SPAG9: variants seen among roughly 807,000 people sequenced by gnomAD.
The protein encoded by SPAG9 is C-Jun-amino-terminal kinase-interacting protein 4.
A neutral mutation model predicts 166.5 loss-of-function variants in SPAG9; 35 were observed. The observed-to-expected ratio is 0.21, with a 90% CI of 0.16 to 0.28. The LOEUF (loss-of-function observed/expected upper bound fraction) is 0.28, where lower values mean the gene tolerates loss of function less well. Ranked by LOEUF, SPAG9 falls within the 10% of genes least tolerant of loss-of-function variation. The pLI, the probability that SPAG9 is intolerant of heterozygous loss-of-function variation, is 1.00. For missense variants in SPAG9, 1,235 were observed against 1,603.3 expected (o/e 0.77, Z 3.92); for synonymous variants, 534 against 565.5 (o/e 0.94, Z 0.79).
At chr17:51,053,207 T>C (rs954933008) in intron 3 of SPAG9, among the ~76,000 whole-genome samples, 2 of 150,418 alleles carry the variant, frequency 1.3e-5, no homozygotes, top group Admixed American at 1.3e-4. Context: ...ATTTATAATA[T>C]ATTTATAAAA....
At chr17:50,977,749 T>G (rs1394637712) in intron 26 of SPAG9, among the ~76,000 whole-genome samples, 1 of 152,116 alleles carries the variant, frequency 6.6e-6, no homozygotes, top group Non-Finnish European at 1.5e-5. Context: ...CCAGGCATGG[T>G]GGCACATGCC....
intron 1 of SPAG9, among the ~76,000 whole-genome samples, chr17:51,118,747 T>C (rs901068200): frequency 1.3e-5 from 2 of 152,158 alleles, no homozygotes; most frequent in Non-Finnish European, 2.9e-5. Context: ...GCTCTTGAAA[T>C]AGTCCATTCT....
rs1383851552 is a variant in SPAG9 at position 50,987,105 on chromosome 17, C to A, written c.2939+7G>T. On this transcript the variant is annotated splice_region_variant and intron_variant, in intron 22 of 29. Coordinates refer to ENST00000262013, the MANE Select transcript of SPAG9 (RefSeq NM_001130528.3). ...CATATTCTAATGTTAAAAGCATTGA[C>A]ACCTACCAGCCATTTTGAGCTCCAA... The A allele has an allele frequency of 6.2e-7, 1 of 1,602,632 alleles. No homozygotes were observed. Among genetic ancestry groups the A allele is most frequent in the Admixed American group, 1.8e-5 (1 of 56,822 alleles).
At chr17:51,019,925 TAA>T (rs1477238235) in intron 8 of SPAG9, among the ~76,000 whole-genome samples, 1 of 152,228 alleles carries the variant, frequency 6.6e-6, no homozygotes. Flanking sequence ...CAAAATAGAC[TAA>T]GACACCATCC....
chr17:51,013,915 C>CACACAT (rs2045593122), intron 9 of SPAG9, among the ~76,000 whole-genome samples: 1 of 143,658 alleles, frequency 7.0e-6, no homozygotes, highest in African/African-American at 3.0e-5. Flanking sequence ...CACACACACA[C>CACACAT]ACATACACAC....
chr17:51,054,620 T>A (rs941840131), intron 3 of SPAG9, among the ~76,000 whole-genome samples: 1 of 151,566 alleles, frequency 6.6e-6, no homozygotes, highest in African/African-American at 2.4e-5. Context: ...GTATTTTTAG[T>A]AGAGACGGGG....
At chr17:51,003,104 T>C (rs2045034712) in intron 12 of SPAG9, among the ~76,000 whole-genome samples, 3 of 151,024 alleles carry the variant, frequency 2.0e-5, no homozygotes, top group Admixed American at 6.6e-5. Context: ...CCAGGTGGGG[T>C]GGCATGCACC....
At chr17:50,979,969 A>T in intron 25 of SPAG9, 52 bp from the exon 26 acceptor site, 3 of 1,561,816 alleles carry the variant, frequency 1.9e-6, no homozygotes, top group Non-Finnish European at 2.6e-6. Context: ...AGAATTTCAT[A>T]TTTAAAACTG....
chr17:51,073,194 G>A (rs1275054014), intron 2 of SPAG9, among the ~76,000 whole-genome samples: 2 of 152,130 alleles, frequency 1.3e-5, no homozygotes, highest in Non-Finnish European at 2.9e-5. Context: ...CGGGCGTGGT[G>A]GTGGGCGCCT....
chr17:51,001,452 T>C (rs1224765183), intron 13 of SPAG9, among the ~76,000 whole-genome samples: 2 of 152,210 alleles, frequency 1.3e-5, no homozygotes, highest in Non-Finnish European at 2.9e-5. Context: ...ATTTCTATAT[T>C]TGAAAAATGA....
At chr17:51,041,347 G>C (rs1209457449) in intron 5 of SPAG9, among the ~76,000 whole-genome samples, 154 bp downstream of exon 5, 1 of 151,976 alleles carries the variant, frequency 6.6e-6, no homozygotes, top group African/African-American at 2.4e-5. Flanking sequence ...ACACTCTTTG[G>C]TAAGAGCTCA....
intron 12 of SPAG9, among the ~76,000 whole-genome samples, chr17:51,003,454 T>A (rs1053370337): frequency 6.6e-6 from 1 of 152,110 alleles, no homozygotes; most frequent in African/African-American, 2.4e-5. Flanking sequence ...CCAAACCACA[T>A]ACTCACCCAA....
intron 5 of SPAG9, among the ~76,000 whole-genome samples, chr17:51,037,594 C>T (rs2046638927): frequency 7.3e-6 from 1 of 137,146 alleles, no homozygotes; most frequent in African/African-American, 2.8e-5. Flanking sequence ...GCCTGGGGGA[C>T]AAAGCTAGAC....
In SPAG9 at chr17:51,120,344, C is replaced by T. The variant is rs776620296; in HGVS notation, c.303+10G>A. On this transcript the variant is annotated intron_variant, in intron 1 of 29. Transcript: ENST00000262013. The surrounding 1 kb of genome is among the most constrained non-coding windows in gnomAD (Gnocchi z 4.7). ...GGATCCCGCGGCCCCCGCCCTGCCG[C>T]CGGCCTCACCTCCTCAGCGTGCTTG... 4 of 1,555,362 alleles carry T rather than the reference C, an allele frequency of 2.6e-6. No homozygotes were observed. The South Asian group carries it at 4.6e-5, about 18-fold the overall frequency.
chr17:50,975,783 G>A, intron 27 of SPAG9: 1 of 1,007,600 alleles, frequency 9.9e-7, no homozygotes, highest in Non-Finnish European at 1.5e-6. Context: ...ATTCAAGAGG[G>A]TATTCTAGAG....
chr17:51,120,798 G>C lies in SPAG9; in HGVS notation c.-142C>G, dbSNP rs995587184. ...GGGCTGGGGCTGGGCCCGGCGGGGT[G>C]GGGGCCGGGGCCGGAGGAGGGGAGG... is the stretch of plus-strand genomic sequence containing the variant. On this transcript the variant is annotated 5_prime_UTR_variant, in exon 1 of 30. Transcript: ENST00000262013. This position sits in a 1 kb window ranked among gnomAD's most constrained non-coding sequence, Gnocchi z 4.7. The C allele has an allele frequency of 5.5e-5, 32 of 577,828 alleles. No individual in the cohort carries two copies. Among genetic ancestry groups the C allele is most frequent in the Non-Finnish European group, 7.5e-5 (28 of 372,062 alleles). 35.8% of individuals were successfully genotyped at this position (577,828 alleles called of 1,614,324 possible).
chr17:51,050,520 C>T (rs2047150340), intron 3 of SPAG9, among the ~76,000 whole-genome samples: 1 of 152,134 alleles, frequency 6.6e-6, no homozygotes, highest in Non-Finnish European at 1.5e-5. Context: ...GGACTCAGGC[C>T]GCCTTTGTAC....
chr17:50,988,295 G>A (rs998626044), intron 21 of SPAG9, among the ~76,000 whole-genome samples: 3 of 151,992 alleles, frequency 2.0e-5, no homozygotes, highest in Admixed American at 6.5e-5. Context: ...AGACCTTAGC[G>A]ATGACCTTGA....
rs1361993428 is a variant in SPAG9, at chr17:50,965,098, T to C, written c.*1174A>G. 3 of 152,486 alleles carry C rather than the reference T, an allele frequency of 2.0e-5. No homozygotes were observed. The highest frequency in any genetic ancestry group is 6.6e-5 in the Admixed American group (1 of 15,238). The allele number at this position is 152,486 out of a possible 1,614,324, so 9.4% of individuals were successfully genotyped here. On this transcript the variant is annotated 3_prime_UTR_variant, in exon 30 of 30. Transcript: ENST00000262013. ...TTAATGGGCATTGTGAATGAAAATA[T>C]GTAATGTCAACCTTTACTTTATGGT...
Sources: allele counts gnomAD v4.1 joint callset (sites outside exome capture counted in the v4.1 genomes callset), GRCh38; gene constraint gnomAD v4.1.1; non-coding constraint Gnocchi (gnomAD v3.1); transcripts MANE v1.5; gene names NCBI Gene and HGNC (gene_info 2026-07-23, HGNC 2026-07-21).